The following ARHGAP23 variants were observed in gnomAD, a reference collection of about 807,000 sequenced individuals.
ARHGAP23 encodes the protein rho GTPase-activating protein 23.
In ARHGAP23, 34 loss-of-function variants were observed where a neutral mutation model predicts 136.3. The ratio of observed to expected loss-of-function variants is 0.25; its 90% CI spans 0.19 to 0.33. The LOEUF is 0.33. Ranked by LOEUF, ARHGAP23 falls within the 10% of genes least tolerant of loss-of-function variation. The pLI is 1.00. For missense variants in ARHGAP23, 1,808 were observed against 2,139.0 expected (o/e 0.85, Z 3.05); for synonymous variants, 832 against 920.5 (o/e 0.90, Z 1.74).
At chr17:38,467,387 C>T (rs1281456286) in intron 7 of ARHGAP23, 56 bp downstream of exon 7, 13 of 1,429,074 alleles carry the variant, frequency 9.1e-6, no homozygotes, top group Admixed American at 9.0e-5. Context: ...CTGTCTGTGT[C>T]CTGCTGTACC....
chr17:38,506,989 C>T (rs55785447), intron 23 of ARHGAP23, among the ~76,000 whole-genome samples: 19,176 of 152,056 alleles, frequency 0.13, 1,364 homozygotes, highest in African/African-American at 0.19. Context: ...GAAAAAAAGG[C>T]TGTGGGCGCA....
intron 1 of ARHGAP23, among the ~76,000 whole-genome samples, chr17:38,453,464 C>A (rs1411828285): frequency 7.0e-6 from 1 of 142,340 alleles, no homozygotes. Context: ...TGTGTGTGCG[C>A]GCGCGCGCTG....
At chr17:38,428,376 G>GGT, upstream of ARHGAP23, 1 of 301,564 alleles carries the variant, frequency 3.3e-6, no homozygotes, top group Non-Finnish European at 5.1e-6. Context: ...GGCGGACCCC[G>GGT]GGGGGGGCCC....
upstream of ARHGAP23, among the ~76,000 whole-genome samples, chr17:38,425,334 C>T (rs1375900373): frequency 6.6e-6 from 1 of 152,174 alleles, no homozygotes; most frequent in Non-Finnish European, 1.5e-5. Flanking sequence ...TTCCCTATTC[C>T]CACTCTCCCC....
upstream of ARHGAP23, among the ~76,000 whole-genome samples, chr17:38,426,392 A>T (rs762870276): frequency 3.3e-5 from 5 of 151,856 alleles, no homozygotes; most frequent in Non-Finnish European, 5.9e-5. Flanking sequence ...AATACAAAAA[A>T]TTAAAAAATT....
In ARHGAP23 at chr17:38,510,914, C is replaced by T. The variant is rs1339468500; in HGVS notation, c.4418C>T (p.Ser1473Phe). 1 of 1,484,308 alleles carries T rather than the reference C, an allele frequency of 6.7e-7. No homozygotes were observed. Among genetic ancestry groups the T allele is most frequent in the Non-Finnish European group, 8.9e-7 (1 of 1,127,200 alleles). 91.9% of individuals were successfully genotyped at this position (1,484,308 alleles called of 1,614,324 possible). Residue 1473 changes from serine (S) to phenylalanine (F), a missense_variant, in exon 24 of 24, where the codon TCC becomes TTC. This residue lies in a region of ARHGAP23 where 506 missense variants were observed against 455.8 expected (regional missense o/e 1.11). Coordinates refer to ENST00000622683, the MANE Select transcript of ARHGAP23 (RefSeq NM_001199417.2). The surrounding 1 kb of genome is among the most constrained non-coding windows in gnomAD (Gnocchi z 4.6). ...CCGCCCGCGCCCGGGGACACGGGGT[C>T]CCTGCAGAGCCAGCCCCCGCGCCGC... is the stretch of plus-strand genomic sequence containing the variant. ...SQPPAPGDTGSLQSQPPRRSA... is the reference protein window; with the variant it reads ...SQPPAPGDTGFLQSQPPRRSA...
At chr17:38,461,272 C>G (rs1481086543) in intron 3 of ARHGAP23, among the ~76,000 whole-genome samples, 2 of 152,228 alleles carry the variant, frequency 1.3e-5, no homozygotes, top group African/African-American at 4.8e-5. Flanking sequence ...TAGAACAAGG[C>G]AGGGCAGGGC....
At chr17:38,458,041 T>G in intron 1 of ARHGAP23, 61 bp from the exon 2 acceptor site, 1 of 1,526,336 alleles carries the variant, frequency 6.6e-7, no homozygotes, top group Non-Finnish European at 8.8e-7. Context: ...CAGGAGGTGG[T>G]GCAAACAGCC....
At chr17:38,437,622 ACC>A (rs5820258) in intron 1 of ARHGAP23, among the ~76,000 whole-genome samples, 2 of 147,600 alleles carry the variant, frequency 1.4e-5, no homozygotes, top group African/African-American at 5.0e-5. Context: ...ACCCACCCCT[ACC>A]CCCCCCAAAA....
At chr17:38,483,264 A>C (rs1010723221) in intron 16 of ARHGAP23, among the ~76,000 whole-genome samples, 1 of 152,228 alleles carries the variant, frequency 6.6e-6, no homozygotes, top group Non-Finnish European at 1.5e-5. Context: ...GCTTAGAAAA[A>C]GGGGAATATA....
At chr17:38,443,257 G>T (rs1282814200) in intron 1 of ARHGAP23, among the ~76,000 whole-genome samples, 1 of 152,236 alleles carries the variant, frequency 6.6e-6, no homozygotes, top group Non-Finnish European at 1.5e-5. Context: ...ACCCAACCCG[G>T]TGGAGAGCCA....
intron 1 of ARHGAP23, among the ~76,000 whole-genome samples, chr17:38,432,998 G>C (rs2038717788): frequency 6.6e-6 from 1 of 152,174 alleles, no homozygotes; most frequent in African/African-American, 2.4e-5. Context: ...TGTTGCTCAG[G>C]CTGAAGTGCA....
chr17:38,481,506 G>A (rs538145862), intron 14 of ARHGAP23, among the ~76,000 whole-genome samples: 27 of 152,320 alleles, frequency 1.8e-4, no homozygotes, highest in African/African-American at 5.5e-4. Context: ...TTGGCCAGCT[G>A]GTCTCGAACT....
chr17:38,483,874 C>G, intron 16 of ARHGAP23, among the ~76,000 whole-genome samples: 1 of 152,132 alleles, frequency 6.6e-6, no homozygotes. Context: ...TTCCAAAACC[C>G]CAGCAAGGGC....
intron 3 of ARHGAP23, among the ~76,000 whole-genome samples, chr17:38,462,322 C>T (rs1399910913): frequency 7.0e-6 from 1 of 141,928 alleles, no homozygotes; most frequent in Admixed American, 7.6e-5. Flanking sequence ...GGCACAATCC[C>T]GGCTTACCAC....
upstream of ARHGAP23, among the ~76,000 whole-genome samples, chr17:38,426,570 A>AAAAAAAAAAAAAC: frequency 6.6e-6 from 1 of 150,912 alleles, no homozygotes; most frequent in Non-Finnish European, 1.5e-5. Flanking sequence ...AAAAAAAAAA[A>AAAAAAAAAAAAAC]AATCCAGGCA....
chr17:38,506,074 G>T (rs1238738329), intron 23 of ARHGAP23, among the ~76,000 whole-genome samples: 1 of 152,206 alleles, frequency 6.6e-6, no homozygotes, highest in African/African-American at 2.4e-5. Context: ...GAGTATTCCG[G>T]CTGGTAATTA....
At chr17:38,480,660 C>T (rs569128530) in intron 14 of ARHGAP23, among the ~76,000 whole-genome samples, 5 of 150,740 alleles carry the variant, frequency 3.3e-5, no homozygotes, top group East Asian at 2.0e-4. Context: ...TAAAAGTACC[C>T]GGGCGTGGTG....
intron 20 of ARHGAP23, among the ~76,000 whole-genome samples, chr17:38,493,772 G>T (rs1452680439): frequency 1.3e-5 from 2 of 152,210 alleles, no homozygotes; most frequent in South Asian, 2.1e-4. Flanking sequence ...GAGGAACAGC[G>T]ACTTGCCCAG....
Sources: gnomAD v4.1 joint callset for allele counts (sites outside exome capture counted in the v4.1 genomes callset) on GRCh38, gnomAD v4.1.1 for gene constraint, gnomAD v4.1.1 regional missense constraint, Gnocchi (gnomAD v3.1) non-coding constraint, MANE v1.5 for transcripts, NCBI Gene and HGNC (gene_info 2026-07-23, HGNC 2026-07-21) for gene names.